Variants in SLC39A10 observed in about 807,000 individuals in gnomAD.
SLC39A10 encodes zinc transporter ZIP10.
SLC39A10 carries 13 observed loss-of-function variants against 65.1 expected under a neutral mutation model. The ratio of observed to expected loss-of-function variants is 0.20; its 90% CI spans 0.13 to 0.32. The LOEUF is 0.32. SLC39A10 is among the 10% of genes least tolerant of loss of function. SLC39A10 has a pLI of 1.00. For synonymous variants in SLC39A10, 321 were observed against 342.2 expected (o/e 0.94, Z 0.68); for missense variants, 831 against 1,018.4 (o/e 0.82, Z 2.50).
intron 3 of SLC39A10, 140 bp downstream of exon 3, chr2:195,684,046 T>G: frequency 1.5e-6 from 1 of 646,392 alleles, no homozygotes; most frequent in Admixed American, 3.2e-5. Context: ...CAGGTTTAGA[T>G]ATGCATATTT....
intron 2 of SLC39A10, among the ~76,000 whole-genome samples, chr2:195,636,302 G>C (rs74264399): frequency 0.037 from 5,634 of 152,108 alleles, 241 homozygotes; most frequent in African/African-American, 0.097. Flanking sequence ...GAAAACTATA[G>C]TTATTTTTCT....
rs1288542321 is a variant in SLC39A10, at chr2:195,708,818, A to G, written c.1549A>G (p.Met517Val). 5 of 1,609,518 alleles carry G rather than the reference A, an allele frequency of 3.1e-6. No individual in the cohort carries two copies. Among genetic ancestry groups the G allele is most frequent in the Non-Finnish European group, 2.5e-6 (3 of 1,178,608 alleles). Residue 517 changes from methionine to valine, a missense_variant, in exon 5 of 10, where the codon ATG becomes GTG. This residue lies in a region of SLC39A10 where 230 missense variants were observed against 242.9 expected (regional missense o/e 0.95). Coordinates refer to ENST00000359634, the MANE Select transcript of SLC39A10 (RefSeq NM_020342.3). Reference protein sequence around the residue: ...LLFIIEHCIRMFKHYKQQRGK... With the variant: ...LLFIIEHCIRVFKHYKQQRGK... The stretch of plus-strand genomic sequence containing the variant: ...ATTTATCATTGAACACTGCATTAGA[A>G]TGTTTAAGCACTACAAACAACAAAG...
chr2:195,640,628 A>G (rs982599509), intron 2 of SLC39A10, among the ~76,000 whole-genome samples: 2 of 152,214 alleles, frequency 1.3e-5, no homozygotes, highest in Non-Finnish European at 2.9e-5. Flanking sequence ...TTTAGGTCTC[A>G]TTTAAATTCC....
chr2:195,635,256 A>C (rs1201248570), intron 2 of SLC39A10, among the ~76,000 whole-genome samples: 1 of 152,220 alleles, frequency 6.6e-6, no homozygotes, highest in Non-Finnish European at 1.5e-5. Flanking sequence ...ATCTTGTTAA[A>C]AGAAGAACCT....
intron 1 of SLC39A10, among the ~76,000 whole-genome samples, chr2:195,663,813 A>G (rs953962428): frequency 1.6e-5 from 2 of 127,766 alleles, no homozygotes; most frequent in African/African-American, 6.0e-5. Flanking sequence ...TTCAACTTTT[A>G]TTTTAGATTC....
At chr2:195,703,340 C>T (rs1157444264) in intron 3 of SLC39A10, among the ~76,000 whole-genome samples, 5 of 152,086 alleles carry the variant, frequency 3.3e-5, no homozygotes, top group Non-Finnish European at 7.4e-5. Context: ...TCAACTCTGT[C>T]AATCAAGGCA....
chr2:195,617,457 G>A (rs1042282294), intron 2 of SLC39A10, among the ~76,000 whole-genome samples: 4 of 152,014 alleles, frequency 2.6e-5, no homozygotes, highest in African/African-American at 9.7e-5. Flanking sequence ...AGCTACTCGG[G>A]AGGCTGATGC....
intron 2 of SLC39A10, among the ~76,000 whole-genome samples, chr2:195,634,819 G>T (rs945645269): frequency 6.6e-6 from 1 of 152,124 alleles, no homozygotes; most frequent in Admixed American, 6.5e-5. Flanking sequence ...AGGCTGAGGT[G>T]GGTGGATCAC....
At chr2:195,703,158 A>G (rs1418221830) in intron 3 of SLC39A10, among the ~76,000 whole-genome samples, 1 of 152,154 alleles carries the variant, frequency 6.6e-6, no homozygotes, top group East Asian at 1.9e-4. Flanking sequence ...TCATAGAACT[A>G]ATGAGCTCAG....
intron 9 of SLC39A10, among the ~76,000 whole-genome samples, chr2:195,732,416 G>A (rs1404486032): frequency 1.3e-5 from 2 of 152,114 alleles, no homozygotes; most frequent in African/African-American, 4.8e-5. Context: ...GCATTTTTAT[G>A]TAATATTTTA....
chr2:195,628,485 T>C (rs987619796), intron 2 of SLC39A10, among the ~76,000 whole-genome samples: 29 of 152,204 alleles, frequency 1.9e-4, no homozygotes, highest in African/African-American at 6.8e-4. Context: ...GCATATTTAG[T>C]ATATATTATA....
At chr2:195,726,794 A>G (rs919947095) in intron 8 of SLC39A10, among the ~76,000 whole-genome samples, 1 of 152,194 alleles carries the variant, frequency 6.6e-6, no homozygotes, top group African/African-American at 2.4e-5. Context: ...AGAATAATAG[A>G]TCATGTATTT....
intron 8 of SLC39A10, among the ~76,000 whole-genome samples, chr2:195,726,634 A>G (rs1474119929): frequency 6.6e-6 from 1 of 152,218 alleles, no homozygotes; most frequent in East Asian, 1.9e-4. Context: ...TAATCTCCTT[A>G]GGTACATTAT....
intron 1 of SLC39A10, among the ~76,000 whole-genome samples, chr2:195,675,598 A>AT (rs1385061158): frequency 6.6e-6 from 1 of 151,790 alleles, no homozygotes; most frequent in Non-Finnish European, 1.5e-5. Context: ...TGCCTGGCTA[A>AT]TTTTTTTGAA....
In SLC39A10 at chr2:195,683,815, T is replaced by G. The variant is rs1272708781; in HGVS notation, c.1125T>G (p.Leu375=). The G allele has an allele frequency of 6.2e-7, 1 of 1,613,434 alleles. No individual in the cohort carries two copies. Among genetic ancestry groups the G allele is most frequent in the Non-Finnish European group, 8.5e-7 (1 of 1,179,538 alleles). ...TGTTATATCAAATCGACAGCAGACTTTGTATTGAGCATTTTGACAAACTTT... is the reference window on the plus strand; with the variant it reads ...TGTTATATCAAATCGACAGCAGACTGTGTATTGAGCATTTTGACAAACTTT... ...PALLYQIDSR[L]CIEHFDKLLV... The change falls in exon 3 of 10, where the codon CTT becomes CTG. Residue 375 remains leucine, a synonymous_variant. Transcript: ENST00000359634.
chr2:195,678,908 A>T (rs1209120093), intron 1 of SLC39A10, among the ~76,000 whole-genome samples: 1 of 152,202 alleles, frequency 6.6e-6, no homozygotes, highest in Admixed American at 6.5e-5. Context: ...AATTAGTTTC[A>T]TCTATTCTGG....
intron 3 of SLC39A10, among the ~76,000 whole-genome samples, chr2:195,690,490 TA>T (rs1690696255): frequency 6.6e-6 from 1 of 152,216 alleles, no homozygotes; most frequent in Admixed American, 6.5e-5. Context: ...CATTTTACAT[TA>T]CCCCCAAGAG....
chr2:195,735,805 A>ATTTTTTTTTTT lies in SLC39A10; in HGVS notation c.*772_*782dup, dbSNP rs55916294. 1 of 124,378 alleles carries ATTTTTTTTTTT rather than the reference A, an allele frequency of 8.0e-6. No homozygotes were observed. The highest frequency in any genetic ancestry group is 1.7e-5 in the Non-Finnish European group (1 of 60,136). 7.7% of individuals were successfully genotyped at this position (124,378 alleles called of 1,614,324 possible). A position where few individuals can be genotyped will look rare whatever the true frequency, so the allele number is the denominator to read the frequency against. ...TGTTTTTTACTTTAATTTTGTTTTG[A>ATTTTTTTTTTT]TTTTTTTTTTTTTTTTTTGGCGGGG... On this transcript the variant is annotated 3_prime_UTR_variant, in exon 10 of 10. Coordinates refer to ENST00000359634, the MANE Select transcript of SLC39A10 (RefSeq NM_020342.3).
chr2:195,698,580 G>A (rs112931804), intron 3 of SLC39A10, among the ~76,000 whole-genome samples: 212 of 151,694 alleles, frequency 1.4e-3, no homozygotes, highest in African/African-American at 4.6e-3. Context: ...TGATCATGTG[G>A]GTGTTTTTTT....
Sources: allele counts gnomAD v4.1 joint callset (sites outside exome capture counted in the v4.1 genomes callset), GRCh38; gene constraint gnomAD v4.1.1; regional missense constraint gnomAD v4.1.1; transcripts MANE v1.5; gene names NCBI Gene and HGNC (gene_info 2026-07-23, HGNC 2026-07-21).